Variants in DAAM1 observed in about 807,000 individuals in gnomAD.
DAAM1 encodes the protein disheveled-associated activator of morphogenesis 1.
A neutral mutation model predicts 130.0 loss-of-function variants in DAAM1; 52 were observed. That is an observed-to-expected ratio of 0.40 (90% CI 0.32 to 0.50). The LOEUF is 0.50. DAAM1 is among the 20% of genes least tolerant of loss of function. DAAM1 has a pLI of 0.61. For synonymous variants in DAAM1, 452 were observed against 444.5 expected (o/e 1.02, Z -0.21); for missense variants, 1,134 against 1,303.8 (o/e 0.87, Z 2.01).
intron 19 of DAAM1, 55 bp from the exon 20 acceptor site, chr14:59,355,110 G>T (rs555868654): frequency 6.7e-5 from 106 of 1,578,194 alleles, no homozygotes; most frequent in Non-Finnish European, 9.0e-5. Context: ...GAAACATCTT[G>T]ATTTCAAACA....
intron 16 of DAAM1, among the ~76,000 whole-genome samples, chr14:59,342,113 C>T (rs1885871344): frequency 1.3e-5 from 2 of 152,178 alleles, no homozygotes; most frequent in South Asian, 4.1e-4. Flanking sequence ...TGACTTAGAA[C>T]TTGAATGTAT....
At chr14:59,347,662 C>T (rs373882377) in intron 17 of DAAM1, 39 bp downstream of exon 17, 35 of 1,585,300 alleles carry the variant, frequency 2.2e-5, no homozygotes, top group African/African-American at 1.1e-4. Context: ...AAGTGAAAAG[C>T]GACCATCAAC....
At chr14:59,224,719 A>G (rs1434286821) in intron 1 of DAAM1, among the ~76,000 whole-genome samples, 1 of 152,272 alleles carries the variant, frequency 6.6e-6, no homozygotes, top group East Asian at 1.9e-4. Flanking sequence ...TTGGAGGGGC[A>G]GGGGCAGAAT....
intron 1 of DAAM1, among the ~76,000 whole-genome samples, chr14:59,261,121 C>G (rs536370584): frequency 2.6e-4 from 39 of 152,244 alleles, no homozygotes; most frequent in Non-Finnish European, 5.0e-4. Flanking sequence ...CTATACTATA[C>G]CACTCATTCC....
intron 1 of DAAM1, among the ~76,000 whole-genome samples, chr14:59,198,259 A>G (rs1284404698): frequency 4.2e-5 from 6 of 142,236 alleles, no homozygotes; most frequent in African/African-American, 1.6e-4. Flanking sequence ...AGGCTGGAGT[A>G]CAGTGGTGCA....
In DAAM1 at chr14:59,370,235, TGTG is replaced by T. The variant is rs1427400973; in HGVS notation, c.*1379_*1381del. On this transcript the variant is annotated 3_prime_UTR_variant, in exon 25 of 25. Transcript: ENST00000360909. ...TCTCTTTTCTTTCTATTGATCCTGT[TGTG>T]GTTGGGTTTCCTGTGGAGAGAGTAG... The T allele has an allele frequency of 6.7e-6, 1 of 149,948 alleles. No individual in the cohort carries two copies. The highest frequency in any genetic ancestry group is 2.4e-5 in the African/African-American group (1 of 40,966). 9.3% of individuals were successfully genotyped at this position (149,948 alleles called of 1,614,324 possible).
At chr14:59,340,207 C>G in intron 16 of DAAM1, 27 bp downstream of exon 16, 5 of 1,595,930 alleles carry the variant, frequency 3.1e-6, no homozygotes, top group Middle Eastern at 1.7e-4. Flanking sequence ...ATAAACATTT[C>G]TAGTAGGACC....
chr14:59,288,909 G>GT (rs928102807), intron 2 of DAAM1, among the ~76,000 whole-genome samples: 1 of 149,876 alleles, frequency 6.7e-6, no homozygotes, highest in Admixed American at 6.6e-5. Flanking sequence ...TTGTTTGTTT[G>GT]TTTTTTTGTT....
chr14:59,230,318 T>C (rs74059713), intron 1 of DAAM1, among the ~76,000 whole-genome samples: 19,971 of 144,204 alleles, frequency 0.14, 1,531 homozygotes, highest in South Asian at 0.22. Context: ...TTTTTTTTTT[T>C]CCCCCCACAA....
intron 23 of DAAM1, among the ~76,000 whole-genome samples, chr14:59,365,352 C>T (rs1886875457): frequency 6.6e-6 from 1 of 152,142 alleles, no homozygotes; most frequent in African/African-American, 2.4e-5. Context: ...CTGGCTATTG[C>T]TATTTTGTTC....
intron 1 of DAAM1, among the ~76,000 whole-genome samples, chr14:59,225,503 AC>A (rs1272312722): frequency 6.6e-6 from 1 of 152,190 alleles, no homozygotes; most frequent in Non-Finnish European, 1.5e-5. Context: ...GCAAGTTGGG[AC>A]TTGAGCCTCC....
intron 1 of DAAM1, among the ~76,000 whole-genome samples, chr14:59,228,967 C>A (rs1013957647): frequency 1.3e-5 from 2 of 152,076 alleles, no homozygotes; most frequent in Non-Finnish European, 2.9e-5. Context: ...TTAAAAGTTA[C>A]ATTGTATTTA....
At chr14:59,330,040 C>A (rs577858033) in intron 12 of DAAM1, among the ~76,000 whole-genome samples, 2 of 152,226 alleles carry the variant, frequency 1.3e-5, no homozygotes, top group Non-Finnish European at 1.5e-5. Flanking sequence ...TCCAGCCCTT[C>A]GGCTGGTTGG....
intron 1 of DAAM1, among the ~76,000 whole-genome samples, chr14:59,252,630 A>G (rs577771183): frequency 1.2e-4 from 18 of 152,314 alleles, no homozygotes; most frequent in Middle Eastern, 3.4e-3. Context: ...TACACACAGG[A>G]ATGTCAGAGA....
At chr14:59,323,902 G>C (rs1384604279) in intron 6 of DAAM1, among the ~76,000 whole-genome samples, 2 of 151,768 alleles carry the variant, frequency 1.3e-5, no homozygotes, top group African/African-American at 4.8e-5. Flanking sequence ...TGTGATGGTG[G>C]GCGCCTGTAG....
chr14:59,306,819 G>T, intron 3 of DAAM1, among the ~76,000 whole-genome samples: 1 of 152,134 alleles, frequency 6.6e-6, no homozygotes, highest in East Asian at 1.9e-4. Flanking sequence ...CAGGAGCTTA[G>T]TGGTCTGAAG....
At chr14:59,277,522 A>G (rs1485684939) in intron 2 of DAAM1, among the ~76,000 whole-genome samples, 2 of 150,570 alleles carry the variant, frequency 1.3e-5, no homozygotes, top group African/African-American at 4.8e-5. Context: ...TGTAAAATAT[A>G]TAAATATATA....
chr14:59,247,771 G>A (rs534606082), intron 1 of DAAM1, among the ~76,000 whole-genome samples: 2 of 150,520 alleles, frequency 1.3e-5, no homozygotes, highest in Non-Finnish European at 3.0e-5. Flanking sequence ...TCCTTCTCTA[G>A]AAGGAGCCAC....
chr14:59,325,014 CTCT>C (rs1215230007), intron 8 of DAAM1, among the ~76,000 whole-genome samples: 3 of 152,166 alleles, frequency 2.0e-5, no homozygotes, highest in Non-Finnish European at 4.4e-5. Flanking sequence ...CTCCAACATG[CTCT>C]TCTTCTTGAT....
Sources: gnomAD v4.1 joint callset for allele counts (sites outside exome capture counted in the v4.1 genomes callset) on GRCh38, gnomAD v4.1.1 for gene constraint, MANE v1.5 for transcripts, NCBI Gene and HGNC (gene_info 2026-07-23, HGNC 2026-07-21) for gene names.